MAST3: variants seen among roughly 807,000 people sequenced by gnomAD.
MAST3 encodes the protein microtubule associated serine/threonine kinase 3.
Under a neutral mutation model 127.0 loss-of-function variants are expected in MAST3, and 43 were observed. The ratio of observed to expected loss-of-function variants is 0.34; its 90% CI spans 0.27 to 0.44. MAST3 has a LOEUF of 0.44. Ranked by LOEUF, MAST3 falls within the 20% of genes least tolerant of loss-of-function variation. The pLI is 1.00. For missense variants in MAST3, 1,390 were observed against 1,919.1 expected, an observed-to-expected ratio of 0.72 and a Z score of 5.15; for synonymous variants, 785 against 809.2, an observed-to-expected ratio of 0.97 and a Z score of 0.51.
At chr19:18,140,567 C>T (rs768977927) in intron 20 of MAST3, among the ~76,000 whole-genome samples, 30 of 152,248 alleles carry the variant, frequency 2.0e-4, no homozygotes, top group Admixed American at 7.2e-4. Flanking sequence ...CTGGGCATTT[C>T]ATATCAATGC....
intron 3 of MAST3, among the ~76,000 whole-genome samples, chr19:18,113,121 T>C (rs1031183530): frequency 9.9e-5 from 15 of 152,012 alleles, no homozygotes; most frequent in African/African-American, 3.6e-4. Context: ...GGAGGAAGTA[T>C]CTGGGACTGA....
intron 3 of MAST3, among the ~76,000 whole-genome samples, chr19:18,117,547 C>A (rs2039420346): frequency 6.6e-6 from 1 of 152,140 alleles, no homozygotes; most frequent in South Asian, 2.1e-4. Flanking sequence ...GCCGGACAGA[C>A]AGGAAAGCGG....
At chr19:18,100,128 C>CTCTCTTTTTTTTTTTTTTTTTTTTTT (rs776661078) in intron 1 of MAST3, among the ~76,000 whole-genome samples, 2 of 121,718 alleles carry the variant, frequency 1.6e-5, no homozygotes, top group East Asian at 2.6e-4. Flanking sequence ...CTCTCTCTCT[C>CTCTCTTTTTTTTTTTTTTTTTTTTTT]TTTTTTTTTT....
In MAST3 at chr19:18,151,064, G is replaced by C. The variant is rs1311060433; in HGVS notation, c.*1338G>C. 1.3e-5 allele frequency: 2 copies of C among 152,204 alleles called. No homozygotes were observed. Among genetic ancestry groups the C allele is most frequent in the African/African-American group, 4.8e-5 (2 of 41,452 alleles). 9.4% of individuals were successfully genotyped at this position (152,204 alleles called of 1,614,324 possible). ...CGTGATGTGTCTGAAACACCTGTTA[G>C]GGGTTCCCTCCATATGTCAGAGCCT... On this transcript the variant is annotated 3_prime_UTR_variant, in exon 28 of 28. Transcript: ENST00000687212.
In MAST3 at chr19:18,143,745, G is replaced by A; in HGVS notation, c.2340-18G>A. 1.2e-6 allele frequency: 2 copies of A among 1,612,740 alleles called. No individual in the cohort carries two copies. Among genetic ancestry groups the A allele is most frequent in the Non-Finnish European group, 1.7e-6 (2 of 1,179,614 alleles). On this transcript the variant is annotated intron_variant, in intron 21 of 27. Transcript: ENST00000687212. ...GCAGGTGCCTGGCAGGGGTGATGCA[G>A]GCTCTTCCTCCCTGCAGGCTGAGGT...
At chr19:18,117,688 C>G (rs1278292265) in intron 3 of MAST3, among the ~76,000 whole-genome samples, 3 of 152,198 alleles carry the variant, frequency 2.0e-5, no homozygotes, top group Admixed American at 2.0e-4. Context: ...GGGGTCAGTG[C>G]TCTGGGAGAG....
In MAST3 at chr19:18,136,276, G is replaced by T. The variant is rs527427929; in HGVS notation, c.1972+435G>T. ...GGAGACGGTTGGGTCCAAGGTCGGG[G>T]ATCATCACCTGCTCTGTGGAGCAGA... On this transcript the variant is annotated intron_variant, in intron 18 of 27. Coordinates refer to ENST00000687212, the MANE Select transcript of MAST3 (RefSeq NM_001393504.1). 6.6e-5 allele frequency among the ~76,000 whole-genome samples: 10 copies of T among 152,330 alleles called. No homozygotes were observed. The East Asian group carries it at 1.5e-3, about 23-fold the overall frequency.
chr19:18,100,128 C>CTCTCTTTTTTTTTTTTTTTTTT (rs776661078), intron 1 of MAST3, among the ~76,000 whole-genome samples: 6 of 121,716 alleles, frequency 4.9e-5, no homozygotes, highest in Middle Eastern at 3.9e-3. Context: ...CTCTCTCTCT[C>CTCTCTTTTTTTTTTTTTTTTTT]TTTTTTTTTT....
rs1484428117 is a variant in MAST3 at position 18,124,012 on chromosome 19, C to G, written c.707C>G (p.Ala236Gly). ...GCGCCCGGCGCCCGGCTGGCGCTGG[C>G]TGATGGCGTCTTGGGCTTCATCCAC... ...AYAPGARLAL[A>G]DGVLGFIHHQ... Residue 236 changes from alanine (A) to glycine (G), a missense_variant, in exon 9 of 28, where the codon GCT (alanine) becomes GGT (glycine). Physicochemically the swap from Ala to Gly is moderately conservative, Grantham distance 60 (BLOSUM62 0). This residue lies in a region of MAST3 where 277 missense variants were observed against 384.8 expected (regional missense o/e 0.72). Coordinates refer to ENST00000687212, the MANE Select transcript of MAST3 (RefSeq NM_001393504.1). The G allele has an allele frequency of 6.3e-7, 1 of 1,598,008 alleles. No individual in the cohort carries two copies. The highest frequency in any genetic ancestry group is 1.3e-5 in the African/African-American group (1 of 74,464).
chr19:18,123,088 C>A, intron 6 of MAST3, 129 bp from the exon 7 acceptor site: 1 of 988,778 alleles, frequency 1.0e-6, no homozygotes, highest in Non-Finnish European at 1.6e-6. Flanking sequence ...TGCATAGGAG[C>A]TAGGCAGGAG....
intron 3 of MAST3, among the ~76,000 whole-genome samples, chr19:18,111,165 T>A (rs761070045): frequency 6.6e-6 from 1 of 151,794 alleles, no homozygotes; most frequent in Non-Finnish European, 1.5e-5. Flanking sequence ...TTAACCAAAG[T>A]GGCGCCGGGA....
rs1230649207 is a variant in MAST3 at position 18,123,594 on chromosome 19, C to T, written c.572C>T (p.Thr191Met). ...CTTCCTTTCAGCCCGGGCCGTGCAACGGGGACCTTCGACAATGAGATTGTC... is the reference window on the plus strand; with the variant it reads ...CTTCCTTTCAGCCCGGGCCGTGCAATGGGGACCTTCGACAATGAGATTGTC... ...RSRSLSPGRA[T>M]GTFDNEIVMM... is the part of the protein sequence containing the mutation. Residue 191 changes from threonine to methionine, a missense_variant, in exon 8 of 28, where the codon ACG (threonine) becomes ATG (methionine). Around this residue, in one of 5 missense-constraint regions of MAST3, gnomAD observed 277 missense variants for 384.8 expected, o/e 0.72. Transcript: ENST00000687212. The T allele has an allele frequency of 6.9e-6, 11 of 1,588,424 alleles. No homozygotes were observed. The highest frequency in any genetic ancestry group is 2.7e-5 in the African/African-American group (2 of 74,380).
Position 18,128,385 on chromosome 19 carries a change from TC to T in MAST3, c.1079-12del. 6.5e-7 allele frequency: 1 copy of T among 1,544,324 alleles called. No homozygotes were observed. The highest frequency in any genetic ancestry group is 8.7e-7 in the Non-Finnish European group (1 of 1,146,696). On this transcript the variant is annotated splice_polypyrimidine_tract_variant and intron_variant, in intron 11 of 27. Coordinates refer to ENST00000687212, the MANE Select transcript of MAST3 (RefSeq NM_001393504.1). ...GCAGGGAGGCTCCAGCTGAGCCTCC[TC>T]CCTCATCTTGCAGAGATGGTGCCAC...
chr19:18,129,689 C>T (rs192295545), intron 13 of MAST3, among the ~76,000 whole-genome samples: 1 of 152,256 alleles, frequency 6.6e-6, no homozygotes, highest in Admixed American at 6.5e-5. Flanking sequence ...CTTTGGGAGG[C>T]CAAGGTAGGA....
intron 17 of MAST3, 133 bp from the exon 18 acceptor site, chr19:18,135,607 T>G: frequency 1.5e-6 from 1 of 666,270 alleles, no homozygotes; most frequent in East Asian, 2.8e-5. Flanking sequence ...GTACCAAGCC[T>G]GCCACGTTGC....
At chr19:18,105,665 G>A (rs142848711) in intron 1 of MAST3, among the ~76,000 whole-genome samples, 3,670 of 151,854 alleles carry the variant, frequency 0.024, 105 homozygotes, top group Admixed American at 0.077. Flanking sequence ...AAGAGCAAAA[G>A]TCTGTCTCAA....
In MAST3 at chr19:18,134,585, C is replaced by T. The variant is rs1213679957; in HGVS notation, c.1578C>T (p.Leu526=). ...ACTCCTAACCTGCCCACAGTCTGCTCATCACCTCGCTTGGCCACATCAAGC... is the reference window on the plus strand; with the variant it reads ...ACTCCTAACCTGCCCACAGTCTGCTTATCACCTCGCTTGGCCACATCAAGC... ...VHRDLKPDNL[L]ITSLGHIKLT... The change falls in exon 16 of 28, where the codon CTC becomes CTT. Residue 526 remains leucine (L), a synonymous_variant. Coordinates refer to ENST00000687212, the MANE Select transcript of MAST3 (RefSeq NM_001393504.1). The T allele has an allele frequency of 5.0e-6, 8 of 1,611,396 alleles. No homozygotes were observed. The highest frequency in any genetic ancestry group is 1.7e-5 in the Admixed American group (1 of 59,796).
rs1417550657 is a variant in MAST3, at chr19:18,124,773, G to A, written c.1077G>A (p.Glu359=). 6.3e-7 allele frequency: 1 copy of A among 1,589,114 alleles called. No individual in the cohort carries two copies. The highest frequency in any genetic ancestry group is 8.6e-7 in the Non-Finnish European group (1 of 1,167,522). ...TGGGCCTGGCCAAGGACCCCCTGGAGGGTAAGCCGGGATGGGAAGAGGAAA... is the reference window on the plus strand; with the variant it reads ...TGGGCCTGGCCAAGGACCCCCTGGAAGGTAAGCCGGGATGGGAAGAGGAAA... ...GQLGLAKDPL[E]EMVPLSHLEE... The change falls in exon 11 of 28, where the codon GAG becomes GAA. Residue 359 remains glutamate (E), a splice_region_variant and synonymous_variant. Transcript: ENST00000687212.
intron 13 of MAST3, 88 bp from the exon 14 acceptor site, chr19:18,130,402 CCAGG>C: frequency 8.6e-7 from 1 of 1,168,730 alleles, no homozygotes; most frequent in Non-Finnish European, 1.2e-6. Flanking sequence ...CAGGCAAAGG[CCAGG>C]CAGGTTGGGA....
Sources: allele counts gnomAD v4.1 joint callset (sites outside exome capture counted in the v4.1 genomes callset), GRCh38; gene constraint gnomAD v4.1.1; regional missense constraint gnomAD v4.1.1; transcripts MANE v1.5; gene names NCBI Gene and HGNC (gene_info 2026-07-23, HGNC 2026-07-21).